The following RNF214 variants were observed in gnomAD, a reference collection of about 807,000 sequenced individuals.
RNF214 encodes ring finger protein 214.
RNF214 carries 25 observed loss-of-function variants against 75.9 expected under a neutral mutation model. That is an observed-to-expected ratio of 0.33 (90% CI 0.24 to 0.46). RNF214 has a LOEUF of 0.46. RNF214 is among the 20% of genes least tolerant of loss of function. RNF214 has a pLI of 1.00. For missense variants in RNF214, 725 were observed against 857.5 expected (o/e 0.85, Z 1.93); for synonymous variants, 314 against 308.8 (o/e 1.02, Z -0.18).
At position 117,285,365 on chromosome 11, in the gene RNF214, C is replaced by T. The variant is rs529509466; in HGVS notation, c.*214C>T. On this transcript the variant is annotated 3_prime_UTR_variant, in exon 15 of 15. Coordinates refer to ENST00000300650, the MANE Select transcript of RNF214 (RefSeq NM_207343.4). ...AAACAGTCTGTTCCCCCTCATCTTG[C>T]AATTCCTTTGGGGGATGCAGATTGT... 4 of 414,616 alleles carry T rather than the reference C, an allele frequency of 9.6e-6. No homozygotes were observed. Among genetic ancestry groups the T allele is most frequent in the African/African-American group, 6.2e-5 (3 of 48,482 alleles). 25.7% of individuals were successfully genotyped at this position (414,616 alleles called of 1,614,324 possible).
intron 6 of RNF214, among the ~76,000 whole-genome samples, chr11:117,266,624 C>T (rs540737093): frequency 1.2e-4 from 18 of 151,932 alleles, no homozygotes; most frequent in Non-Finnish European, 1.5e-4. Context: ...CCTCCCAAAG[C>T]GCTGGGATTA....
chr11:117,275,703 C>T (rs1022699802), intron 6 of RNF214, among the ~76,000 whole-genome samples: 2 of 152,170 alleles, frequency 1.3e-5, no homozygotes, highest in Admixed American at 6.5e-5. Flanking sequence ...AAATAGAAAT[C>T]TTGAACAGAC....
chr11:117,247,420 A>C (rs1233448313), intron 6 of RNF214, among the ~76,000 whole-genome samples: 1 of 152,210 alleles, frequency 6.6e-6, no homozygotes, highest in African/African-American at 2.4e-5. Flanking sequence ...ACTTGAGCCC[A>C]GGAGTTCCAG....
chr11:117,253,066 G>A (rs61903662), intron 6 of RNF214, among the ~76,000 whole-genome samples: 7,602 of 152,204 alleles, frequency 0.05, 296 homozygotes, highest in East Asian at 0.15. Flanking sequence ...CAGCTAGAGT[G>A]TAGTGGTACA....
At chr11:117,241,777 T>G (rs2033086610) in intron 4 of RNF214, among the ~76,000 whole-genome samples, 1 of 152,186 alleles carries the variant, frequency 6.6e-6, no homozygotes, top group Non-Finnish European at 1.5e-5. Context: ...GATACTATTT[T>G]GATACTATTT....
At chr11:117,273,591 G>A (rs2033953698) in intron 6 of RNF214, among the ~76,000 whole-genome samples, 1 of 152,140 alleles carries the variant, frequency 6.6e-6, no homozygotes, top group Admixed American at 6.6e-5. Flanking sequence ...TGCAGTAGTA[G>A]ATCAGTTACA....
intron 14 of RNF214, among the ~76,000 whole-genome samples, chr11:117,283,751 C>T (rs184304565): frequency 6.6e-5 from 10 of 152,242 alleles, no homozygotes; most frequent in African/African-American, 1.9e-4. Context: ...GCCTCAATCC[C>T]CTAGGCTCAA....
intron 6 of RNF214, among the ~76,000 whole-genome samples, chr11:117,247,872 C>A (rs868182501): frequency 7.6e-4 from 107 of 141,620 alleles, no homozygotes; most frequent in Middle Eastern, 3.6e-3. Flanking sequence ...AAAAAAAAAA[C>A]AAAACAAAAA....
At position 117,250,005 on chromosome 11, in the gene RNF214, A is replaced by G. The variant is rs1046588446; in HGVS notation, c.959+3057A>G. Among the ~76,000 whole-genome samples, 3 of 152,246 alleles carry G rather than the reference A, an allele frequency of 2.0e-5. No individual in the cohort carries two copies. In the East Asian group the frequency reaches 5.8e-4, roughly 29 times the overall value. Reference sequence around the variant, plus strand: ...TTCAGCCAGCATTTATTGAGTATCTACTATGAGCCAGACAGTAGGGCCTGG... The same window carrying G: ...TTCAGCCAGCATTTATTGAGTATCTGCTATGAGCCAGACAGTAGGGCCTGG... On this transcript the variant is annotated intron_variant, in intron 6 of 14. Transcript: ENST00000300650.
intron 6 of RNF214, among the ~76,000 whole-genome samples, chr11:117,270,566 AC>A (rs1283795339): frequency 3.3e-5 from 3 of 89,844 alleles, no homozygotes; most frequent in Non-Finnish European, 6.8e-5. Flanking sequence ...CCACTCCCCC[AC>A]CCCCCCGGTA....
At chr11:117,249,566 T>C (rs760331905) in intron 6 of RNF214, among the ~76,000 whole-genome samples, 2 of 152,192 alleles carry the variant, frequency 1.3e-5, no homozygotes, top group African/African-American at 2.4e-5. Context: ...CACATAGATT[T>C]TGGTCATTAT....
At chr11:117,235,479 A>AGTCACCAC (rs975095063) in intron 2 of RNF214, among the ~76,000 whole-genome samples, 4 of 137,260 alleles carry the variant, frequency 2.9e-5, no homozygotes, top group South Asian at 2.4e-4. Flanking sequence ...TACAGGCGTG[A>AGTCACCAC]GTCACCACGC....
At chr11:117,277,835 C>T (rs924996927) in intron 6 of RNF214, among the ~76,000 whole-genome samples, 1 of 151,590 alleles carries the variant, frequency 6.6e-6, no homozygotes. Context: ...ATTAGCTGCG[C>T]ATGGTGGTGG....
At chr11:117,252,661 C>T (rs2033426804) in intron 6 of RNF214, among the ~76,000 whole-genome samples, 1 of 152,042 alleles carries the variant, frequency 6.6e-6, no homozygotes, top group Admixed American at 6.6e-5. Flanking sequence ...GCTGGGACTA[C>T]ATGTGCCTGC....
intron 6 of RNF214, among the ~76,000 whole-genome samples, chr11:117,276,335 C>T (rs1245054350): frequency 2.0e-5 from 3 of 152,162 alleles, no homozygotes; most frequent in Non-Finnish European, 4.4e-5. Context: ...CAAGGCCGGG[C>T]ACAGTGGCTC....
Position 117,234,328 on chromosome 11 carries a change from C to A in RNF214, c.56C>A (p.Ser19Tyr). 6.2e-7 allele frequency: 1 copy of A among 1,614,208 alleles called. No individual in the cohort carries two copies. Among genetic ancestry groups the A allele is most frequent in the Non-Finnish European group, 8.5e-7 (1 of 1,180,022 alleles). Residue 19 changes from serine (S) to tyrosine (Y), a missense_variant, in exon 2 of 15, where the codon TCT becomes TAT. Coordinates refer to ENST00000300650, the MANE Select transcript of RNF214 (RefSeq NM_207343.4). ...VVANAPSPPE[S>Y]SSLCASKSDE... ...GCCAATGCCCCCAGTCCTCCGGAAT[C>A]TTCTAGTTTATGTGCTTCCAAATCA...
chr11:117,257,463 C>A (rs2033552240), intron 6 of RNF214, among the ~76,000 whole-genome samples: 1 of 152,148 alleles, frequency 6.6e-6, no homozygotes, highest in African/African-American at 2.4e-5. Context: ...CGTTGGAATT[C>A]TTGTTCTCAA....
intron 6 of RNF214, among the ~76,000 whole-genome samples, chr11:117,254,775 C>G (rs1052938859): frequency 6.6e-6 from 1 of 152,078 alleles, no homozygotes; most frequent in Non-Finnish European, 1.5e-5. Flanking sequence ...AGGCACCCAC[C>G]ACCATGCCCG....
At chr11:117,279,747 CAAAGAAT>C (rs1409295086) in intron 6 of RNF214, among the ~76,000 whole-genome samples, 154 bp from the exon 7 acceptor site, 1 of 152,188 alleles carries the variant, frequency 6.6e-6, no homozygotes, top group East Asian at 1.9e-4. Context: ...TTTTGATTAG[CAAAGAAT>C]AAAGAAGAAA....
Sources: allele counts gnomAD v4.1 joint callset (sites outside exome capture counted in the v4.1 genomes callset), GRCh38; gene constraint gnomAD v4.1.1; transcripts MANE v1.5; gene names NCBI Gene and HGNC (gene_info 2026-07-23, HGNC 2026-07-21).